NPEPL1: variants seen among roughly 807,000 people sequenced by gnomAD.
NPEPL1 encodes aminopeptidase like 1, also known as probable aminopeptidase NPEPL1.
In NPEPL1, 45 loss-of-function variants were observed where a neutral mutation model predicts 52.4. The observed-to-expected ratio is 0.86, with a 90% CI of 0.68 to 1.10. NPEPL1 has a LOEUF of 1.10. Ranked by LOEUF, NPEPL1 falls within the 50% of genes least tolerant of loss-of-function variation. The probability of loss-of-function intolerance (pLI) is 0.00; values close to 1 mark genes in which losing one functional copy is unlikely to be tolerated. For synonymous variants in NPEPL1, 360 were observed against 314.7 expected (o/e 1.14, Z -1.52); for missense variants, 696 against 710.9 (o/e 0.98, Z 0.24).
Position 58,701,019 on chromosome 20 carries a change from T to C in NPEPL1, c.683T>C (p.Ile228Thr), listed in dbSNP as rs1310094720. ...GTTCTCCCCACGCTTTCCATAGGAA[T>C]CTATGGGGTTGGCAAAGCCGCCCTG... ...EELKTRGFGG[I>T]YGVGKAALHP... Residue 228 changes from isoleucine (I) to threonine (T), a missense_variant, in exon 6 of 12, where the codon ATC (isoleucine) becomes ACC (threonine). Physicochemically the swap from Ile to Thr is moderately conservative, Grantham distance 89 (BLOSUM62 -1). Transcript: ENST00000356091. 6.3e-7 allele frequency: 1 copy of C among 1,583,460 alleles called. No homozygotes were observed. The highest frequency in any genetic ancestry group is 8.6e-7 in the Non-Finnish European group (1 of 1,165,414).
chr20:58,691,616 A>C (rs1053857566), upstream of NPEPL1: 9 of 640,164 alleles, frequency 1.4e-5, no homozygotes, highest in Non-Finnish European at 2.5e-5. Flanking sequence ...CTAGGGGGCC[A>C]GCTGGGAGGT....
rs554580721 is a variant in NPEPL1, at chr20:58,700,346, A to AC, written c.680-668dup. On this transcript the variant is annotated intron_variant, in intron 5 of 11. Coordinates refer to ENST00000356091, the MANE Select transcript of NPEPL1 (RefSeq NM_024663.4). ...CACAGGGGCCATCCTGGTGGTGTCT[A>AC]CCTAGACAGGAGCCATTTACAAGTG... Among the ~76,000 whole-genome samples the AC allele has an allele frequency of 5.9e-5, 9 of 152,332 alleles. No individual in the cohort carries two copies. In the East Asian group the frequency reaches 1.3e-3, roughly 23 times the overall value.
Position 58,715,382 on chromosome 20 carries a change from A to C in NPEPL1, c.*56A>C, listed in dbSNP as rs2084933017. On this transcript the variant is annotated 3_prime_UTR_variant, in exon 12 of 12. Transcript: ENST00000356091. The stretch of plus-strand genomic sequence containing the variant: ...TCTTTTACCTCACTTTGCACTGATT[A>C]ATTTTAAGCAATTGAAAGATTGCCC... The C allele has an allele frequency of 8.2e-6, 12 of 1,464,372 alleles. No individual in the cohort carries two copies. The highest frequency in any genetic ancestry group is 1.1e-5 in the Non-Finnish European group (12 of 1,101,904). 90.7% of individuals were successfully genotyped at this position (1,464,372 alleles called of 1,614,324 possible). A position where few individuals can be genotyped will look rare whatever the true frequency, so the allele number is the denominator to read the frequency against.
chr20:58,696,546 C>T (rs1334109657), intron 3 of NPEPL1, among the ~76,000 whole-genome samples: 1 of 152,230 alleles, frequency 6.6e-6, no homozygotes. Context: ...GTCCCCATGG[C>T]CCCCGACCCC....
intron 10 of NPEPL1, chr20:58,714,312 C>G: frequency 3.2e-6 from 2 of 623,090 alleles, no homozygotes; most frequent in Non-Finnish European, 5.4e-6. Context: ...GGGTTTCTCC[C>G]CCAGTCTTGG....
In NPEPL1 at chr20:58,715,231, G is replaced by T. The variant is rs755449143; in HGVS notation, c.1477G>T (p.Asp493Tyr). The stretch of plus-strand genomic sequence containing the variant: ...GGCGCTCTTCGGCCGTGCCTCTGAG[G>T]ACCCTCTGCTGAACCTGGTGTCCCC... Reference protein sequence around the residue: ...LLALFGRASEDPLLNLVSPLG... With the variant: ...LLALFGRASEYPLLNLVSPLG... The change falls in exon 12 of 12, where the codon GAC becomes TAC. Residue 493 changes from aspartate to tyrosine, a missense_variant. By Grantham distance (160) the Asp-to-Tyr change is radical. Transcript: ENST00000356091. 1.2e-6 allele frequency: 2 copies of T among 1,609,782 alleles called. No homozygotes were observed. Among genetic ancestry groups the T allele is most frequent in the Non-Finnish European group, 1.7e-6 (2 of 1,179,074 alleles).
intron 7 of NPEPL1, among the ~76,000 whole-genome samples, chr20:58,710,237 G>T (rs1413450161): frequency 6.6e-6 from 1 of 152,020 alleles, no homozygotes; most frequent in East Asian, 1.9e-4. Flanking sequence ...GTTTCACCTT[G>T]TTGGCCAGGC....
intron 2 of NPEPL1, among the ~76,000 whole-genome samples, 180 bp downstream of exon 2, chr20:58,694,102 C>A (rs2084410660): frequency 6.6e-6 from 1 of 152,218 alleles, no homozygotes; most frequent in South Asian, 2.1e-4. Flanking sequence ...TGCCCCAGAT[C>A]AGTTTTGGTG....
rs564025712 is a variant in NPEPL1, at chr20:58,713,115, C to A, written c.1002-305C>A. 2.2e-4 allele frequency: 85 copies of A among 389,004 alleles called. No homozygotes were observed. Among genetic ancestry groups the A allele is most frequent in the Middle Eastern group, 7.4e-4 (1 of 1,354 alleles). The allele number at this position is 389,004 out of a possible 1,614,324, so 24.1% of individuals were successfully genotyped here. A position where few individuals can be genotyped will look rare whatever the true frequency, so the allele number is the denominator to read the frequency against. ...GGTGCCAGGCACAGTGTGCTGAAGGCCAGCCCAGCCGGTTCATGCCACCCA... is the reference window on the plus strand; with the variant it reads ...GGTGCCAGGCACAGTGTGCTGAAGGACAGCCCAGCCGGTTCATGCCACCCA... On this transcript the variant is annotated intron_variant, in intron 8 of 11. Coordinates refer to ENST00000356091, the MANE Select transcript of NPEPL1 (RefSeq NM_024663.4). This position sits in a 1 kb window ranked among gnomAD's most constrained non-coding sequence, Gnocchi z 4.6.
chr20:58,702,360 A>T (rs1378807468), intron 6 of NPEPL1, among the ~76,000 whole-genome samples: 1 of 152,124 alleles, frequency 6.6e-6, no homozygotes, highest in Non-Finnish European at 1.5e-5. Flanking sequence ...CCTTCCTGAC[A>T]CTGAGCCCTA....
intron 6 of NPEPL1, chr20:58,703,394 G>A (rs6100172): frequency 0.48 from 417,900 of 873,490 alleles, 101,444 homozygotes; most frequent in African/African-American, 0.65. Context: ...ACTTCTAGTC[G>A]GTTATGATTC....
rs1303765931 is a variant in NPEPL1 at position 58,693,929 on chromosome 20, G to A, written c.336+7G>A. ...AGCGCATCGCTGCATTGTGGTGAGT[G>A]CTTCGAGAGGAGGCAGCCACGGTGC... On this transcript the variant is annotated splice_region_variant and intron_variant, in intron 2 of 11. Coordinates refer to ENST00000356091, the MANE Select transcript of NPEPL1 (RefSeq NM_024663.4). The A allele has an allele frequency of 3.2e-6, 5 of 1,568,094 alleles. No homozygotes were observed. Among genetic ancestry groups the A allele is most frequent in the African/African-American group, 2.7e-5 (2 of 73,904 alleles).
chr20:58,691,880 C>G (rs559920314), upstream of NPEPL1: 25 of 1,106,704 alleles, frequency 2.3e-5, no homozygotes, highest in East Asian at 6.4e-4. Flanking sequence ...TTCCCCAATG[C>G]ATCGTCATTC....
Position 58,692,979 on chromosome 20 carries a change from C to A in NPEPL1, c.79C>A (p.Gln27Lys). 1.7e-6 allele frequency: 2 copies of A among 1,192,502 alleles called. No homozygotes were observed. The highest frequency in any genetic ancestry group is 4.7e-5 in the East Asian group (1 of 21,316). 73.9% of individuals were successfully genotyped at this position (1,192,502 alleles called of 1,614,324 possible). The change falls in exon 1 of 12, where the codon CAG (glutamine) becomes AAG (lysine). Residue 27 changes from glutamine to lysine, a missense_variant. By Grantham distance (53) the Gln-to-Lys change is moderately conservative. Coordinates refer to ENST00000356091, the MANE Select transcript of NPEPL1 (RefSeq NM_024663.4). This position sits in a 1 kb window ranked among gnomAD's most constrained non-coding sequence, Gnocchi z 5.7. ...GAGCCGGCCCCTGCTGCTGCTCGGGCAGCTGCACCACCTGCACCGCGTGCC... is the reference window on the plus strand; with the variant it reads ...GAGCCGGCCCCTGCTGCTGCTCGGGAAGCTGCACCACCTGCACCGCGTGCC... ...PQSRPLLLLG[Q>K]LHHLHRVPWS...
At chr20:58,712,200 T>C (rs1601135414) in intron 7 of NPEPL1, among the ~76,000 whole-genome samples, 1 of 152,164 alleles carries the variant, frequency 6.6e-6, no homozygotes, top group African/African-American at 2.4e-5. Context: ...GCCCAGCCCA[T>C]GCAGTCCAAG....
chr20:58,694,660 G>A lies in NPEPL1; in HGVS notation c.507+68G>A, dbSNP rs894208297. On this transcript the variant is annotated intron_variant, in intron 3 of 11. Coordinates refer to ENST00000356091, the MANE Select transcript of NPEPL1 (RefSeq NM_024663.4). Reference sequence around the variant, plus strand: ...AGATCGGGCAGGTGGGAGGGAGGTCGGGAGAGGGAAAAGCTTGTTGCGGGG... The same window carrying A: ...AGATCGGGCAGGTGGGAGGGAGGTCAGGAGAGGGAAAAGCTTGTTGCGGGG... 6 of 1,468,078 alleles carry A rather than the reference G, an allele frequency of 4.1e-6. No individual in the cohort carries two copies. The East Asian group carries it at 1.0e-4, about 25-fold the overall frequency. The allele number at this position is 1,468,078 out of a possible 1,614,324, so 90.9% of individuals were successfully genotyped here. A position where few individuals can be genotyped will look rare whatever the true frequency, so the allele number is the denominator to read the frequency against.
At chr20:58,700,020 C>T (rs568075802) in intron 5 of NPEPL1, among the ~76,000 whole-genome samples, 3 of 152,294 alleles carry the variant, frequency 2.0e-5, no homozygotes, top group East Asian at 3.9e-4. Context: ...CTGGGGCTGG[C>T]GATGTGCTTC....
At chr20:58,709,593 T>C (rs900285173) in intron 7 of NPEPL1, among the ~76,000 whole-genome samples, 4 of 152,134 alleles carry the variant, frequency 2.6e-5, no homozygotes, top group African/African-American at 9.7e-5. Context: ...CTCGCAGCTT[T>C]ATAGTGGTGA....
chr20:58,702,867 A>G (rs2084662394), intron 6 of NPEPL1, among the ~76,000 whole-genome samples: 1 of 152,256 alleles, frequency 6.6e-6, no homozygotes, highest in Admixed American at 6.5e-5. Context: ...AAATTCCAGC[A>G]ATCACAACAC....
Sources: allele counts gnomAD v4.1 joint callset (sites outside exome capture counted in the v4.1 genomes callset), GRCh38; gene constraint gnomAD v4.1.1; non-coding constraint Gnocchi (gnomAD v3.1); transcripts MANE v1.5; gene names NCBI Gene and HGNC (gene_info 2026-07-23, HGNC 2026-07-21).